Variants in DENND4A observed in about 807,000 individuals in gnomAD.
DENND4A encodes the protein C-myc promoter-binding protein.
A neutral mutation model predicts 199.3 loss-of-function variants in DENND4A; 70 were observed. That is an observed-to-expected ratio of 0.35 (90% CI 0.29 to 0.43). DENND4A has a LOEUF of 0.43. Ranked by LOEUF, DENND4A falls within the 20% of genes least tolerant of loss-of-function variation. DENND4A has a pLI of 1.00. For missense variants in DENND4A, 1,723 were observed against 2,255.8 expected, an observed-to-expected ratio of 0.76 and a Z score of 4.78; for synonymous variants, 686 against 766.9, an observed-to-expected ratio of 0.89 and a Z score of 1.74.
chr15:65,791,744 T>A (rs957294425), intron 1 of DENND4A, among the ~76,000 whole-genome samples: 1 of 149,874 alleles, frequency 6.7e-6, no homozygotes, highest in Non-Finnish European at 1.5e-5. Flanking sequence ...CAGCCTGGAA[T>A]AGAAAATCTG....
At chr15:65,727,174 C>T (rs548305322) in intron 11 of DENND4A, among the ~76,000 whole-genome samples, 5 of 151,574 alleles carry the variant, frequency 3.3e-5, no homozygotes, top group South Asian at 4.2e-4. Flanking sequence ...CAGGCATGAC[C>T]GGGCGCGGTG....
rs200068941 is a variant in DENND4A, at chr15:65,753,700, TTAAA to T, written c.312-1076_312-1073del. Among the ~76,000 whole-genome samples the T allele has an allele frequency of 4.7e-3, 716 of 152,224 alleles. 8 individuals are homozygous for T. The highest frequency in any genetic ancestry group is 0.016 in the African/African-American group (677 of 41,538). The stretch of plus-strand genomic sequence containing the variant: ...TCTGCATTTGCTATAAAGCTATAAA[TTAAA>T]TGTGTTTTTGCATTTGCTATAAAAC... On this transcript the variant is annotated intron_variant, in intron 3 of 32. Transcript: ENST00000443035.
intron 7 of DENND4A, among the ~76,000 whole-genome samples, chr15:65,737,086 A>G (rs780809684): frequency 2.6e-5 from 4 of 151,568 alleles, no homozygotes; most frequent in Admixed American, 2.0e-4. Flanking sequence ...TTTTTGAGGC[A>G]GGGTCTCCCT....
chr15:65,783,272 G>C (rs528319993), intron 1 of DENND4A, among the ~76,000 whole-genome samples: 1 of 152,182 alleles, frequency 6.6e-6, no homozygotes, highest in Non-Finnish European at 1.5e-5. Flanking sequence ...GCTGTACATG[G>C]ACGATGGGAC....
chr15:65,785,254 C>T (rs2077536777), intron 1 of DENND4A, among the ~76,000 whole-genome samples: 1 of 151,136 alleles, frequency 6.6e-6, no homozygotes, highest in Non-Finnish European at 1.5e-5. Flanking sequence ...AATTCCAGCA[C>T]TTTGGGGGGC....
At position 65,707,678 on chromosome 15, in the gene DENND4A, T is replaced by C. The variant is rs1177973295; in HGVS notation, c.1954-1454A>G. Among the ~76,000 whole-genome samples the C allele has an allele frequency of 2.0e-5, 3 of 151,746 alleles. No individual in the cohort carries two copies. The East Asian group carries it at 5.8e-4, about 29-fold the overall frequency. On this transcript the variant is annotated intron_variant, in intron 14 of 32. Coordinates refer to ENST00000443035, the MANE Select transcript of DENND4A (RefSeq NM_001320835.1). ...AAAAGAATCAGACTACTAAATCGTA[T>C]ACATATTATGATTTTTTTTTTTTTT...
chr15:65,731,326 G>T, intron 9 of DENND4A: 2 of 359,818 alleles, frequency 5.6e-6, no homozygotes, highest in South Asian at 4.6e-5. Context: ...AATTGCATTT[G>T]AATGTTCTTC....
intron 1 of DENND4A, among the ~76,000 whole-genome samples, chr15:65,781,101 A>C (rs543644123): frequency 6.6e-6 from 1 of 152,336 alleles, no homozygotes; most frequent in Admixed American, 6.5e-5. Context: ...AGAAAAAGGA[A>C]GGAGGAAACA....
chr15:65,777,092 C>T (rs538469150), intron 1 of DENND4A, among the ~76,000 whole-genome samples: 20 of 152,164 alleles, frequency 1.3e-4, no homozygotes, highest in East Asian at 9.7e-4. Context: ...CACTTGAACC[C>T]GGGAAGCGGA....
chr15:65,735,005 C>G (rs927001431), intron 7 of DENND4A, among the ~76,000 whole-genome samples: 2 of 152,196 alleles, frequency 1.3e-5, no homozygotes, highest in African/African-American at 4.8e-5. Context: ...ATGGCTTGAG[C>G]CCAGGAGGTC....
rs1173342164 is a variant in DENND4A at position 65,691,108 on chromosome 15, A to C, written c.3486T>G (p.Pro1162=). Residue 1162 remains proline (P), a synonymous_variant, in exon 23 of 33, where the codon CCT becomes CCG. Coordinates refer to ENST00000443035, the MANE Select transcript of DENND4A (RefSeq NM_001320835.1). Reference sequence around the variant, plus strand: ...CTAAGTCTTCTAAGTCAAAAATAACAGGAGAATCCACTTTATCTGCCAAAT... The same window carrying C: ...CTAAGTCTTCTAAGTCAAAAATAACCGGAGAATCCACTTTATCTGCCAAAT... ...SNYLADKVDS[P]VIFDLEDLDS... The C allele has an allele frequency of 2.2e-5, 35 of 1,613,164 alleles. No homozygotes were observed. The Admixed American group carries it at 5.7e-4, about 26-fold the overall frequency.
intron 29 of DENND4A, among the ~76,000 whole-genome samples, chr15:65,666,085 T>C (rs910731735): frequency 2.0e-5 from 3 of 152,178 alleles, no homozygotes. Flanking sequence ...TGAATTTCAA[T>C]AGTCCCCCTT....
rs1171075195 is a variant in DENND4A, at chr15:65,709,695, CAAAA to C, written c.1954-3475_1954-3472del. 2.8e-3 allele frequency among the ~76,000 whole-genome samples: 100 copies of C among 36,172 alleles called. 4 individuals carry two copies. The East Asian group carries it at 0.17, about 61-fold the overall frequency. 23.7% of individuals were successfully genotyped at this position (36,172 alleles called of 152,430 possible). A position where few individuals can be genotyped will look rare whatever the true frequency, so the allele number is the denominator to read the frequency against. On this transcript the variant is annotated intron_variant, in intron 14 of 32. Coordinates refer to ENST00000443035, the MANE Select transcript of DENND4A (RefSeq NM_001320835.1). ...GGCAACAAGAGCAAAAACTCCATCT[CAAAA>C]AAAAAAAAAAAAAAAAAAAAATATA...
chr15:65,748,885 C>G (rs62014406), intron 4 of DENND4A, among the ~76,000 whole-genome samples: 8,383 of 150,422 alleles, frequency 0.056, 225 homozygotes, highest in South Asian at 0.083. Context: ...CTGAGCTGCT[C>G]GAGAGGCCAA....
intron 27 of DENND4A, among the ~76,000 whole-genome samples, chr15:65,668,693 C>T (rs561704144): frequency 2.0e-5 from 3 of 152,088 alleles, no homozygotes; most frequent in African/African-American, 4.8e-5. Context: ...TGATGGCAGG[C>T]GCCTGTAATC....
chr15:65,696,249 C>T (rs2077139856), intron 22 of DENND4A, 117 bp downstream of exon 22: 1 of 1,307,972 alleles, frequency 7.6e-7, no homozygotes, highest in Non-Finnish European at 1.0e-6. Flanking sequence ...TGAGAGGCTG[C>T]ACAAAATATT....
intron 23 of DENND4A, among the ~76,000 whole-genome samples, chr15:65,681,722 T>C (rs943432493): frequency 2.6e-5 from 4 of 152,018 alleles, no homozygotes; most frequent in Admixed American, 6.6e-5. Context: ...ACCACAGGCA[T>C]GTGCCACCAC....
At chr15:65,684,886 G>A (rs537523632) in intron 23 of DENND4A, among the ~76,000 whole-genome samples, 18 of 146,972 alleles carry the variant, frequency 1.2e-4, no homozygotes, top group Non-Finnish European at 2.4e-4. Context: ...GTGCAATGGC[G>A]CGATCTTGGC....
At chr15:65,746,375 T>TG (rs2076395143) in intron 4 of DENND4A, among the ~76,000 whole-genome samples, 2 of 69,776 alleles carry the variant, frequency 2.9e-5, no homozygotes, top group African/African-American at 6.1e-5. Context: ...TTCTCTTTTT[T>TG]TTTTTTTTTT....
Sources: gnomAD v4.1 joint callset for allele counts (sites outside exome capture counted in the v4.1 genomes callset) on GRCh38, gnomAD v4.1.1 for gene constraint, MANE v1.5 for transcripts, NCBI Gene and HGNC (gene_info 2026-07-23, HGNC 2026-07-21) for gene names.